COL26A1: variants seen among roughly 807,000 people sequenced by gnomAD.
The protein encoded by COL26A1 is collagen alpha-1(XXVI) chain.
Under a neutral mutation model 59.3 loss-of-function variants are expected in COL26A1, and 41 were observed. The ratio of observed to expected loss-of-function variants is 0.69; its 90% CI spans 0.54 to 0.90. The LOEUF (loss-of-function observed/expected upper bound fraction) is 0.90. COL26A1 is among the 40% of genes least tolerant of loss of function. The probability of loss-of-function intolerance (pLI) is 0.00; values close to 1 mark genes in which losing one functional copy is unlikely to be tolerated. For missense variants in COL26A1, 612 were observed against 602.3 expected, an observed-to-expected ratio of 1.02 and a Z score of -0.17; for synonymous variants, 266 against 256.0, an observed-to-expected ratio of 1.04 and a Z score of -0.37.
chr7:101,488,436 C>T (rs553872875), intron 3 of COL26A1, among the ~76,000 whole-genome samples: 14 of 145,340 alleles, frequency 9.6e-5, no homozygotes, highest in East Asian at 2.1e-4. Flanking sequence ...AGTGCAGTGG[C>T]GCAATCTCAG....
In COL26A1 at chr7:101,557,593, C is replaced by A. The variant is rs11769422; in HGVS notation, c.*63C>A. The stretch of plus-strand genomic sequence containing the variant: ...ACCCAGCCCCAGAGGCCTGAGCCGC[C>A]GCTGTTTCCTAAAGATGCCCCCAGG... On this transcript the variant is annotated 3_prime_UTR_variant, in exon 13 of 13. Coordinates refer to ENST00000313669, the MANE Select transcript of COL26A1 (RefSeq NM_001278563.3). 1.3e-6 allele frequency: 2 copies of A among 1,497,638 alleles called. No homozygotes were observed. Among genetic ancestry groups the A allele is most frequent in the East Asian group, 2.3e-5 (1 of 43,386 alleles). 92.8% of individuals were successfully genotyped at this position (1,497,638 alleles called of 1,614,324 possible).
At chr7:101,451,636 G>T (rs1486260428) in intron 3 of COL26A1, among the ~76,000 whole-genome samples, 1 of 150,714 alleles carries the variant, frequency 6.6e-6, no homozygotes, top group East Asian at 1.9e-4. Flanking sequence ...GACCACTAAG[G>T]TTGAGCCTAT....
intron 1 of COL26A1, among the ~76,000 whole-genome samples, chr7:101,383,345 ATTTTTATTTTTAT>A (rs1791491166): frequency 6.6e-6 from 1 of 151,192 alleles, no homozygotes; most frequent in South Asian, 2.1e-4. Flanking sequence ...TTTATTTTTT[ATTTTTATTTTTAT>A]TTTTTATTTT....
At chr7:101,378,115 C>T (rs1791361322) in intron 1 of COL26A1, among the ~76,000 whole-genome samples, 1 of 152,098 alleles carries the variant, frequency 6.6e-6, no homozygotes, top group South Asian at 2.1e-4. Flanking sequence ...CCTGGTGGCT[C>T]AAACCTGTAA....
chr7:101,362,921 C>G lies in COL26A1; in HGVS notation c.-112C>G. On this transcript the variant is annotated 5_prime_UTR_variant, in exon 1 of 13. Coordinates refer to ENST00000313669, the MANE Select transcript of COL26A1 (RefSeq NM_001278563.3). Reference sequence around the variant, plus strand: ...CGCACCCGGGCTCCGACCGCTCGCCCCGCTCCTCTCGCTGTGCTCCCGGCC... The same window carrying G: ...CGCACCCGGGCTCCGACCGCTCGCCGCGCTCCTCTCGCTGTGCTCCCGGCC... The G allele has an allele frequency of 8.6e-7, 1 of 1,158,676 alleles. No individual in the cohort carries two copies. The highest frequency in any genetic ancestry group is 1.2e-6 in the Non-Finnish European group (1 of 860,660). The allele number at this position is 1,158,676 out of a possible 1,614,324, so 71.8% of individuals were successfully genotyped here. A position where few individuals can be genotyped will look rare whatever the true frequency, so the allele number is the denominator to read the frequency against.
rs1423900280 is a variant in COL26A1, at chr7:101,400,351, CTATTTTTT to C, written c.159-19624_159-19617del. Among the ~76,000 whole-genome samples the C allele has an allele frequency of 9.7e-4, 120 of 123,386 alleles. 1 individual carries two copies. The highest frequency in any genetic ancestry group is 3.5e-3 in the African/African-American group (112 of 32,350). 80.9% of individuals were successfully genotyped at this position (123,386 alleles called of 152,430 possible). A position where few individuals can be genotyped will look rare whatever the true frequency, so the allele number is the denominator to read the frequency against. The stretch of plus-strand genomic sequence containing the variant: ...GTCCACACTGCCTTTCTTTTTTTTC[CTATTTTTT>C]TTTTTTTTTTTTTTTTTTTTGAGAT... On this transcript the variant is annotated intron_variant, in intron 1 of 12. Coordinates refer to ENST00000313669, the MANE Select transcript of COL26A1 (RefSeq NM_001278563.3).
At chr7:101,534,443 T>C (rs1176973861) in intron 4 of COL26A1, among the ~76,000 whole-genome samples, 1 of 151,812 alleles carries the variant, frequency 6.6e-6, no homozygotes, top group Non-Finnish European at 1.5e-5. Context: ...CATGCACACA[T>C]AGGCACCTGT....
intron 3 of COL26A1, among the ~76,000 whole-genome samples, chr7:101,489,664 C>CTTTCTTTCTTTCTTT: frequency 4.4e-5 from 1 of 22,688 alleles, no homozygotes; most frequent in East Asian, 6.3e-4. Flanking sequence ...TTTCTTTCTT[C>CTTTCTTTCTTTCTTT]CTTCCTTCCT....
intron 1 of COL26A1, among the ~76,000 whole-genome samples, chr7:101,412,191 C>T (rs35337501): frequency 0.18 from 26,722 of 152,026 alleles, 2,810 homozygotes; most frequent in Non-Finnish European, 0.24. Context: ...GGGGCAGAAG[C>T]GCCTCCCCAT....
At position 101,420,050 on chromosome 7, in the gene COL26A1, C is replaced by A. The variant is rs916686494; in HGVS notation, c.232C>A (p.Arg78Ser). 3 of 1,612,934 alleles carry A rather than the reference C, an allele frequency of 1.9e-6. No individual in the cohort carries two copies. The highest frequency in any genetic ancestry group is 2.5e-6 in the Non-Finnish European group (3 of 1,179,826). ...GAATGGCTCGGAGACGGTGGTCCAG[C>A]GCGTGTACCAGAGCTGCCGGTGGCC... ...VQNGSETVVQ[R>S]VYQSCRWPGP... The change falls in exon 2 of 13, where the codon CGC (arginine) becomes AGC (serine). Residue 78 changes from arginine to serine, a missense_variant. Coordinates refer to ENST00000313669, the MANE Select transcript of COL26A1 (RefSeq NM_001278563.3).
chr7:101,413,244 C>T (rs118156827), intron 1 of COL26A1, among the ~76,000 whole-genome samples: 2,313 of 152,170 alleles, frequency 0.015, 24 homozygotes, highest in East Asian at 0.037. Flanking sequence ...TGTGGCCGGG[C>T]GCGGTGGCTC....
intron 3 of COL26A1, among the ~76,000 whole-genome samples, chr7:101,470,114 T>A (rs554261178): frequency 1.3e-5 from 2 of 151,312 alleles, no homozygotes; most frequent in African/African-American, 4.8e-5. Flanking sequence ...TTGTTTTTTT[T>A]TTTTTTTCGA....
At chr7:101,540,474 G>A (rs1395681854) in intron 5 of COL26A1, among the ~76,000 whole-genome samples, 2 of 137,626 alleles carry the variant, frequency 1.5e-5, no homozygotes, top group African/African-American at 5.0e-5. Context: ...GAAGGCGGAG[G>A]TTGCAGTGAG....
At chr7:101,550,971 T>A in intron 9 of COL26A1, 137 bp from the exon 10 acceptor site, 1 of 963,486 alleles carries the variant, frequency 1.0e-6, no homozygotes, top group Non-Finnish European at 1.6e-6. Context: ...GCCCTTCCCG[T>A]GCCGGCCGGG....
intron 3 of COL26A1, among the ~76,000 whole-genome samples, chr7:101,471,931 A>G (rs1220037434): frequency 6.7e-6 from 1 of 149,394 alleles, no homozygotes; most frequent in Admixed American, 6.6e-5. Context: ...AGGTTGTGAC[A>G]GGCAATTAGT....
chr7:101,422,259 T>C (rs1792539694), intron 2 of COL26A1, among the ~76,000 whole-genome samples: 1 of 145,744 alleles, frequency 6.9e-6, no homozygotes, highest in Non-Finnish European at 1.5e-5. Context: ...TGCAGTGAGC[T>C]GAGATTGTGC....
chr7:101,407,837 C>A lies in COL26A1; in HGVS notation c.159-12140C>A, dbSNP rs376217518. Among the ~76,000 whole-genome samples, 4 of 152,172 alleles carry A rather than the reference C, an allele frequency of 2.6e-5. No homozygotes were observed. The East Asian group carries it at 7.8e-4, about 29-fold the overall frequency. On this transcript the variant is annotated intron_variant, in intron 1 of 12. Transcript: ENST00000313669. ...AGTTAGCACCCCTTCAAAGTTATCA[C>A]CCGGAAGTTACCACTTAATCATATG...
At chr7:101,405,130 G>A (rs1321221161) in intron 1 of COL26A1, among the ~76,000 whole-genome samples, 1 of 146,728 alleles carries the variant, frequency 6.8e-6, no homozygotes, top group Non-Finnish European at 1.5e-5. Flanking sequence ...ACCGAGGCAG[G>A]AGAATGGCGT....
chr7:101,503,603 A>G (rs1413543851), intron 3 of COL26A1, among the ~76,000 whole-genome samples: 1 of 151,448 alleles, frequency 6.6e-6, no homozygotes, highest in African/African-American at 2.4e-5. Flanking sequence ...GCTAGTCTTG[A>G]CCTCCCGGCC....
Sources: allele counts gnomAD v4.1 joint callset (sites outside exome capture counted in the v4.1 genomes callset), GRCh38; gene constraint gnomAD v4.1.1; transcripts MANE v1.5; gene names NCBI Gene and HGNC (gene_info 2026-07-23, HGNC 2026-07-21).